TTN: variants seen among roughly 807,000 people sequenced by gnomAD.
TTN encodes the protein titin, also known as connectin.
TTN carries 1,525 observed loss-of-function variants against 3,223.0 expected under a neutral mutation model. The observed-to-expected ratio is 0.47, with a 90% CI of 0.45 to 0.49. The LOEUF is 0.49. Among genes scored for constraint, TTN ranks in the 20% least tolerant of loss-of-function variants. The pLI, the probability that TTN is intolerant of heterozygous loss-of-function variation, is 0.00. For synonymous variants in TTN, 14,094 were observed against 15,161.0 expected (o/e 0.93, Z 5.17); for missense variants, 40,786 against 43,424.0 (o/e 0.94, Z 5.40).
intron 138 of TTN, 107 bp downstream of exon 138, chr2:178,680,972 C>A: frequency 1.0e-6 from 1 of 1,000,774 alleles, no homozygotes; most frequent in East Asian, 2.6e-5. Flanking sequence ...ATTCTGCTGA[C>A]AACTAATTTA....
rs2070675698 is a variant in TTN, at chr2:178,685,698, G to A, written c.32312-100C>T. 8.3e-6 allele frequency: 10 copies of A among 1,198,178 alleles called. No homozygotes were observed. In the South Asian group the frequency reaches 1.2e-4, roughly 15 times the overall value. The allele number at this position is 1,198,178 out of a possible 1,614,324, so 74.2% of individuals were successfully genotyped here. ...TCAAAGAGTAATCAAAATAGCAAAA[G>A]TTTAACCCTTGCCAAACCCCTGCTT... is the stretch of plus-strand genomic sequence containing the variant. On this transcript the variant is annotated intron_variant, in intron 127 of 362. Transcript: ENST00000589042.
intron 165 of TTN, 77 bp downstream of exon 165, chr2:178,665,300 G>C (rs2065726207): frequency 1.5e-6 from 2 of 1,303,096 alleles, no homozygotes; most frequent in Non-Finnish European, 2.2e-6. Context: ...TTTATGAAGA[G>C]TATTAGGAAG....
Position 178,608,791 on chromosome 2 carries a change from T to C in TTN, c.52220A>G (p.Glu17407Gly). The C allele has an allele frequency of 6.2e-7, 1 of 1,612,664 alleles. No homozygotes were observed. Among genetic ancestry groups the C allele is most frequent in the Non-Finnish European group, 8.5e-7 (1 of 1,179,250 alleles). ...GGSEIINYTL[E>G]KKDKTKPDSE... is the part of the protein sequence containing the mutation. ...GTCGGGTTTTGTCTTGTCTTTCTTT[T>C]CCAAAGTGTAGTTTATGATTTCACT... The change falls in exon 274 of 363, where the codon GAA (glutamate) becomes GGA (glycine). Residue 17407 changes from glutamate to glycine, a missense_variant. Transcript: ENST00000589042.
chr2:178,713,380 AT>A lies in TTN; in HGVS notation c.26762-9del. 6.7e-7 allele frequency: 1 copy of A among 1,493,046 alleles called. No homozygotes were observed. The highest frequency in any genetic ancestry group is 8.9e-7 in the Non-Finnish European group (1 of 1,123,530). 92.5% of individuals were successfully genotyped at this position (1,493,046 alleles called of 1,614,324 possible). A position where few individuals can be genotyped will look rare whatever the true frequency, so the allele number is the denominator to read the frequency against. ...AAGGAGGAACGGTTCGGTCTGAATGATACAAAACAAAACAAAACAAAACAAA... is the reference window on the plus strand; with the variant it reads ...AAGGAGGAACGGTTCGGTCTGAATGAACAAAACAAAACAAAACAAAACAAA... On this transcript the variant is annotated splice_polypyrimidine_tract_variant and intron_variant, in intron 92 of 362. Transcript: ENST00000589042.
intron 294 of TTN, among the ~76,000 whole-genome samples, chr2:178,597,012 TA>T (rs1208761983): frequency 6.6e-5 from 10 of 152,106 alleles, no homozygotes; most frequent in African/African-American, 1.2e-4. Context: ...AATTTAGCGA[TA>T]GGGGTAGAGT....
At position 178,575,277 on chromosome 2, in the gene TTN, T is replaced by A; in HGVS notation, c.70855A>T (p.Ser23619Cys). 1 of 1,613,370 alleles carries A rather than the reference T, an allele frequency of 6.2e-7. No homozygotes were observed. The highest frequency in any genetic ancestry group is 8.5e-7 in the Non-Finnish European group (1 of 1,179,608). The change falls in exon 326 of 363, where the codon AGC (serine) becomes TGC (cysteine). Residue 23619 changes from serine to cysteine, a missense_variant. By Grantham distance (112) the Ser-to-Cys change is moderately radical. Coordinates refer to ENST00000589042, the MANE Select transcript of TTN (RefSeq NM_001267550.2). The surrounding 1 kb of genome is among the most constrained non-coding windows in gnomAD (Gnocchi z 4.0). Reference sequence around the variant, plus strand: ...TGCTCCTTGACAATGACGGGTCTGCTTTCTCTAGGGGCACTTCTCCCCGCG... The same window carrying A: ...TGCTCCTTGACAATGACGGGTCTGCATTCTCTAGGGGCACTTCTCCCCGCG... ...NSAGRSAPRE[S>C]RPVIVKEQTM...
In TTN at chr2:178,563,745, C is replaced by G. The variant is rs1350757570; in HGVS notation, c.82387G>C (p.Ala27463Pro). Residue 27463 changes from alanine (A) to proline (P), a missense_variant, in exon 326 of 363, where the codon GCC (alanine) becomes CCC (proline). By Grantham distance (27) the Ala-to-Pro change is conservative (BLOSUM62 -1). Transcript: ENST00000589042. The surrounding 1 kb of genome is among the most constrained non-coding windows in gnomAD (Gnocchi z 4.5). Reference sequence around the variant, plus strand: ...CCTGGTGGCTTATAAGGATTACAGGCCGTAACAGGCCCAGATTCCAAGGGC... The same window carrying G: ...CCTGGTGGCTTATAAGGATTACAGGGCGTAACAGGCCCAGATTCCAAGGGC... ...GEPLESGPVT[A>P]CNPYKPPGPP... 1 of 1,613,654 alleles carries G rather than the reference C, an allele frequency of 6.2e-7. No individual in the cohort carries two copies. The highest frequency in any genetic ancestry group is 1.7e-5 in the Admixed American group (1 of 59,976).
chr2:178,771,202 G>A lies in TTN; in HGVS notation c.8116+9C>T. On this transcript the variant is annotated intron_variant, in intron 34 of 362. Transcript: ENST00000589042. ...ATGATTTGAAAAGGACAAATCCTAT[G>A]TTACTTGCCTTCAACTTTGAGTTTG... 6.2e-7 allele frequency: 1 copy of A among 1,613,828 alleles called. No homozygotes were observed. The highest frequency in any genetic ancestry group is 8.5e-7 in the Non-Finnish European group (1 of 1,179,972).
Position 178,561,379 on chromosome 2 carries a change from A to C in TTN, c.84753T>G (p.Asp28251Glu). 1 of 1,613,740 alleles carries C rather than the reference A, an allele frequency of 6.2e-7. No individual in the cohort carries two copies. The highest frequency in any genetic ancestry group is 8.5e-7 in the Non-Finnish European group (1 of 1,179,774). The change falls in exon 326 of 363, where the codon GAT (aspartate) becomes GAG (glutamate). Residue 28251 changes from aspartate to glutamate, a missense_variant. Asp to Glu is a conservative substitution (Grantham distance 45). Coordinates refer to ENST00000589042, the MANE Select transcript of TTN (RefSeq NM_001267550.2). The part of the protein sequence containing the change: ...SKSCEPVPAR[D>E]PCDPPGQPEV... The stretch of plus-strand genomic sequence containing the variant: ...CAGGTTGTCCAGGAGGGTCACAAGG[A>C]TCTCTTGCAGGGACTGGTTCACAAG...
chr2:178,719,049 A>G (rs746038457), intron 83 of TTN, 76 bp from the exon 84 acceptor site: 11 of 1,519,702 alleles, frequency 7.2e-6, no homozygotes, highest in Non-Finnish European at 8.8e-6. Context: ...CTCCTTAAAA[A>G]AAGGGAGCTA....
chr2:178,718,393 T>C lies in TTN; in HGVS notation c.24713A>G (p.Tyr8238Cys), dbSNP rs202193812. ...TTCTATCAGGCAGCTGTACTGTGCA[T>C]AATCCTCTATTGTGCTCTCAAGAAT... ...LEILESTIED[Y>C]AQYSCLIENE... The change falls in exon 85 of 363, where the codon TAT becomes TGT. Residue 8238 changes from tyrosine (Y) to cysteine (C), a missense_variant. By Grantham distance (194) the Tyr-to-Cys change is radical. Coordinates refer to ENST00000589042, the MANE Select transcript of TTN (RefSeq NM_001267550.2). 2 of 1,613,712 alleles carry C rather than the reference T, an allele frequency of 1.2e-6. No homozygotes were observed. The highest frequency in any genetic ancestry group is 1.7e-6 in the Non-Finnish European group (2 of 1,179,756).
intron 250 of TTN, 124 bp downstream of exon 250, chr2:178,619,497 A>T: frequency 8.1e-7 from 1 of 1,240,772 alleles, no homozygotes; most frequent in East Asian, 2.4e-5. Context: ...TAGAGTTGTT[A>T]ACATGTGGGT....
At position 178,715,677 on chromosome 2, in the gene TTN, G is replaced by A; in HGVS notation, c.25737C>T (p.Ile8579=). 6.2e-7 allele frequency: 1 copy of A among 1,612,146 alleles called. No homozygotes were observed. The part of the protein sequence containing the change: ...YECKIGGSPE[I]KVLWYKDETE... Reference sequence around the variant, plus strand: ...TCTCGTCCTTATACCATAAAACTTTGATTTCTGGAGACCCACCGATTTTGC... The same window carrying A: ...TCTCGTCCTTATACCATAAAACTTTAATTTCTGGAGACCCACCGATTTTGC... The change falls in exon 89 of 363, where the codon ATC becomes ATT. Residue 8579 remains isoleucine, a synonymous_variant. Coordinates refer to ENST00000589042, the MANE Select transcript of TTN (RefSeq NM_001267550.2).
At position 178,760,660 on chromosome 2, in the gene TTN, T is replaced by C. The variant is rs116677019; in HGVS notation, c.10115-1488A>G. On this transcript the variant is annotated intron_variant, in intron 43 of 362. Coordinates refer to ENST00000589042, the MANE Select transcript of TTN (RefSeq NM_001267550.2). ...TAATTTATGGGCTATTCGTTGCATATAATTGCTGTGAGAATTAAATGATAT... is the reference window on the plus strand; with the variant it reads ...TAATTTATGGGCTATTCGTTGCATACAATTGCTGTGAGAATTAAATGATAT... 4.6e-5 allele frequency among the ~76,000 whole-genome samples: 7 copies of C among 152,328 alleles called. No homozygotes were observed. The East Asian group carries it at 1.3e-3, about 29-fold the overall frequency.
Position 178,734,525 on chromosome 2 carries a change from C to A in TTN, c.15299G>T (p.Gly5100Val). The A allele has an allele frequency of 1.2e-5, 20 of 1,612,536 alleles. No homozygotes were observed. Among genetic ancestry groups the A allele is most frequent in the Non-Finnish European group, 1.6e-5 (19 of 1,179,032 alleles). ...CCAGCTAATTTCAAATGGTCCAGTG[C>A]CTGAGACTTCACACTGAAGTAGAGC... Reference protein sequence around the residue: ...TNALLQCEVSGTGPFEISWFK... With the variant: ...TNALLQCEVSVTGPFEISWFK... The change falls in exon 52 of 363, where the codon GGC becomes GTC. Residue 5100 changes from glycine (G) to valine (V), a missense_variant. Transcript: ENST00000589042.
chr2:178,746,747 C>T lies in TTN; in HGVS notation c.11312-4826G>A, dbSNP rs727505032. The T allele has an allele frequency of 3.7e-6, 6 of 1,613,332 alleles. No homozygotes were observed. The highest frequency in any genetic ancestry group is 2.2e-5 in the East Asian group (1 of 44,806). ...ATCTGGCTCTAGTAAAGATTTATTT[C>T]GATACCATTTCACACCAGGAACTGG... On this transcript the variant is annotated intron_variant, in intron 47 of 362. Transcript: ENST00000589042.
rs200478371 is a variant in TTN at position 178,581,890 on chromosome 2, G to A, written c.66463+16C>T. 24 of 1,611,754 alleles carry A rather than the reference G, an allele frequency of 1.5e-5. No individual in the cohort carries two copies. The highest frequency in any genetic ancestry group is 9.0e-5 in the East Asian group (4 of 44,638). ...GCTTTTAACACAGGATATGGAACTC[G>A]TTCATGAACACTTACACTGAGGGTC... On this transcript the variant is annotated intron_variant, in intron 315 of 362. Transcript: ENST00000589042.
At chr2:178,760,308 G>C (rs370439195) in intron 43 of TTN, among the ~76,000 whole-genome samples, 3 of 152,182 alleles carry the variant, frequency 2.0e-5, no homozygotes, top group Admixed American at 2.0e-4. Context: ...GAGGCGGGCA[G>C]ATCACGAGGT....
chr2:178,688,655 C>A (rs1227820893), intron 126 of TTN, 22 bp downstream of exon 126: 18 of 1,522,912 alleles, frequency 1.2e-5, no homozygotes, highest in Non-Finnish European at 1.6e-5. Flanking sequence ...ACTCATTTAT[C>A]CCCTGACTTC....
Sources: allele counts gnomAD v4.1 joint callset (sites outside exome capture counted in the v4.1 genomes callset), GRCh38; gene constraint gnomAD v4.1.1; non-coding constraint Gnocchi (gnomAD v3.1); transcripts MANE v1.5; gene names NCBI Gene and HGNC (gene_info 2026-07-23, HGNC 2026-07-21).